RBMS3: variants seen among roughly 807,000 people sequenced by gnomAD.
RBMS3 encodes the protein RNA-binding motif, single-stranded-interacting protein 3.
Under a neutral mutation model 66.8 loss-of-function variants are expected in RBMS3, and 27 were observed. The ratio of observed to expected loss-of-function variants is 0.40; its 90% CI spans 0.30 to 0.56. The LOEUF is 0.56. RBMS3 is among the 20% of genes least tolerant of loss of function. The pLI, the probability that RBMS3 is intolerant of heterozygous loss-of-function variation, is 0.40. For synonymous variants in RBMS3, 188 were observed against 183.0 expected (o/e 1.03, Z -0.22); for missense variants, 513 against 549.5 (o/e 0.93, Z 0.66).
At chr3:29,884,252 T>G (rs374329763) in intron 8 of RBMS3, 44 bp downstream of exon 8, 8 of 1,523,440 alleles carry the variant, frequency 5.3e-6, no homozygotes, top group Non-Finnish European at 6.3e-6. Context: ...GAATAGATCT[T>G]TGAGCTCTGA....
At chr3:29,815,202 G>A (rs2057849829) in intron 6 of RBMS3, among the ~76,000 whole-genome samples, 1 of 152,112 alleles carries the variant, frequency 6.6e-6, no homozygotes, top group African/African-American at 2.4e-5. Flanking sequence ...GCAGGAACCA[G>A]CATTGACCCT....
chr3:29,771,140 G>C (rs1447018106), intron 6 of RBMS3, among the ~76,000 whole-genome samples: 1 of 151,968 alleles, frequency 6.6e-6, no homozygotes, highest in Non-Finnish European at 1.5e-5. Flanking sequence ...CTTACTAGCT[G>C]CTTCCTCTTA....
intron 6 of RBMS3, among the ~76,000 whole-genome samples, chr3:29,815,370 A>T (rs1403950482): frequency 6.6e-6 from 1 of 152,182 alleles, no homozygotes; most frequent in African/African-American, 2.4e-5. Context: ...AACCATAGTT[A>T]TATCTCATTT....
At chr3:29,937,482 A>T (rs1577198640) in intron 11 of RBMS3, among the ~76,000 whole-genome samples, 1 of 152,066 alleles carries the variant, frequency 6.6e-6, no homozygotes. Flanking sequence ...AGAACTCACT[A>T]ATCTGTCCTA....
intron 4 of RBMS3, among the ~76,000 whole-genome samples, chr3:29,682,620 T>A (rs1258353137): frequency 6.6e-6 from 1 of 152,178 alleles, no homozygotes; most frequent in Non-Finnish European, 1.5e-5. Flanking sequence ...GTGGGTGGCA[T>A]TCCTTTCCCA....
chr3:29,849,926 T>C (rs2058889896), intron 6 of RBMS3, among the ~76,000 whole-genome samples: 1 of 152,092 alleles, frequency 6.6e-6, no homozygotes, highest in Non-Finnish European at 1.5e-5. Flanking sequence ...CAGAGAAAAA[T>C]TATGAATGCC....
chr3:29,835,315 A>G (rs994820720), intron 6 of RBMS3, among the ~76,000 whole-genome samples: 1 of 151,998 alleles, frequency 6.6e-6, no homozygotes, highest in Admixed American at 6.6e-5. Context: ...GACTCCATCC[A>G]AAAGCAACTG....
rs537312195 is a variant in RBMS3 at position 29,624,042 on chromosome 3, A to G, written c.399+36837A>G. On this transcript the variant is annotated intron_variant, in intron 4 of 14. Transcript: ENST00000383767. Reference sequence around the variant, plus strand: ...AATAATGTTTTAATTTAACCCTAACATCCCAGGAGTTACACTGATATCGAA... The same window carrying G: ...AATAATGTTTTAATTTAACCCTAACGTCCCAGGAGTTACACTGATATCGAA... Among the ~76,000 whole-genome samples the G allele has an allele frequency of 3.9e-4, 59 of 152,320 alleles. 2 individuals are homozygous for G. In the South Asian group the frequency reaches 0.011, roughly 29 times the overall value.
rs777097439 is a variant in RBMS3 at position 29,944,219 on chromosome 3, G to C, written c.1063G>C (p.Asp355His). The stretch of plus-strand genomic sequence containing the variant: ...TTTTCATTCAAAGATTCAATCCCAA[G>C]ACAGGATTATGATACTCCACCAGCT... The part of the protein sequence containing the change: ...LGTTGTIQSQ[D>H]RIMILHQLLC... The change falls in exon 12 of 15, where the codon GAC becomes CAC. Residue 355 changes from aspartate to histidine, a missense_variant. Asp to His is a moderately conservative substitution (Grantham distance 81). Transcript: ENST00000383767. The C allele has an allele frequency of 2.5e-6, 4 of 1,590,854 alleles. No individual in the cohort carries two copies. The highest frequency in any genetic ancestry group is 3.4e-6 in the Non-Finnish European group (4 of 1,159,780).
At chr3:29,579,649 C>A (rs1213097490) in intron 3 of RBMS3, among the ~76,000 whole-genome samples, 1 of 152,168 alleles carries the variant, frequency 6.6e-6, no homozygotes, top group Non-Finnish European at 1.5e-5. Context: ...CACACTTGTA[C>A]CTCCTGCTGT....
At chr3:29,553,447 G>A (rs2046241932) in intron 3 of RBMS3, among the ~76,000 whole-genome samples, 1 of 152,110 alleles carries the variant, frequency 6.6e-6, no homozygotes, top group Non-Finnish European at 1.5e-5. Flanking sequence ...TCCCAGTTTA[G>A]ACAGAGGGGA....
chr3:29,654,763 C>T (rs62234905), intron 4 of RBMS3, among the ~76,000 whole-genome samples: 28,197 of 146,966 alleles, frequency 0.19, 2,957 homozygotes, highest in East Asian at 0.34. Context: ...TTAATTTTTG[C>T]GTTTTTTTTT....
At chr3:29,627,429 A>G (rs757857276) in intron 4 of RBMS3, among the ~76,000 whole-genome samples, 13 of 152,060 alleles carry the variant, frequency 8.5e-5, no homozygotes, top group Non-Finnish European at 1.6e-4. Flanking sequence ...TATTTAGCAT[A>G]ACAATCCTTG....
intron 4 of RBMS3, among the ~76,000 whole-genome samples, chr3:29,667,371 G>A (rs752863256): frequency 6.6e-5 from 10 of 152,070 alleles, no homozygotes; most frequent in African/African-American, 1.9e-4. Context: ...ACCAAACAAC[G>A]TCAGTATACC....
At chr3:29,963,341 T>C (rs1696608935) in intron 12 of RBMS3, among the ~76,000 whole-genome samples, 1 of 152,086 alleles carries the variant, frequency 6.6e-6, no homozygotes, top group African/African-American at 2.4e-5. Flanking sequence ...GCATCAGTAG[T>C]TTATTAAATC....
At chr3:29,533,749 C>A (rs2045451395) in intron 3 of RBMS3, among the ~76,000 whole-genome samples, 1 of 152,144 alleles carries the variant, frequency 6.6e-6, no homozygotes, top group African/African-American at 2.4e-5. Context: ...TGCACTCCAG[C>A]CTGGGCAACA....
chr3:29,672,543 T>C (rs990230886), intron 4 of RBMS3, among the ~76,000 whole-genome samples: 3 of 151,956 alleles, frequency 2.0e-5, no homozygotes, highest in African/African-American at 7.3e-5. Flanking sequence ...AGGAGACCCA[T>C]CTCATGTGCA....
chr3:29,763,090 G>A (rs1415726726), intron 6 of RBMS3, 101 bp downstream of exon 6: 1 of 743,662 alleles, frequency 1.3e-6, no homozygotes, highest in Non-Finnish European at 2.2e-6. Flanking sequence ...TGCAGAGTTG[G>A]GGGGTTTGCT....
At chr3:29,462,932 T>G (rs2042417794) in intron 2 of RBMS3, among the ~76,000 whole-genome samples, 1 of 152,244 alleles carries the variant, frequency 6.6e-6, no homozygotes, top group African/African-American at 2.4e-5. Flanking sequence ...ATTAAATGTA[T>G]ATGACTAGTG....
Sources: gnomAD v4.1 joint callset for allele counts (sites outside exome capture counted in the v4.1 genomes callset) on GRCh38, gnomAD v4.1.1 for gene constraint, MANE v1.5 for transcripts, NCBI Gene and HGNC (gene_info 2026-07-23, HGNC 2026-07-21) for gene names.